PCDHA10: variants seen among roughly 807,000 people sequenced by gnomAD.
PCDHA10 encodes the protein protocadherin alpha 10.
A neutral mutation model predicts 61.2 loss-of-function variants in PCDHA10; 45 were observed. The observed-to-expected ratio is 0.74, with a 90% CI of 0.58 to 0.94. PCDHA10 has a LOEUF of 0.94. Among genes scored for constraint, PCDHA10 ranks in the 40% least tolerant of loss-of-function variants. PCDHA10 has a pLI of 0.00. For missense variants in PCDHA10, 1,278 were observed against 1,236.2 expected (o/e 1.03, Z -0.51); for synonymous variants, 602 against 548.8 (o/e 1.10, Z -1.35).
chr5:140,943,467 G>C lies in PCDHA10; in HGVS notation c.2389-35482G>C, dbSNP rs559827697. 2.0e-5 allele frequency among the ~76,000 whole-genome samples: 3 copies of C among 152,126 alleles called. No individual in the cohort carries two copies. The East Asian group carries it at 5.8e-4, about 29-fold the overall frequency. On this transcript the variant is annotated intron_variant, in intron 1 of 3. Coordinates refer to ENST00000307360, the MANE Select transcript of PCDHA10 (RefSeq NM_018901.4). ...AGAATTGATAAGGCTAAATGTGGGA[G>C]ATACAGTAAAATAATAAATAGATGC... is the stretch of plus-strand genomic sequence containing the variant.
At chr5:140,971,641 C>T (rs1554233513) in intron 1 of PCDHA10, among the ~76,000 whole-genome samples, 1 of 152,078 alleles carries the variant, frequency 6.6e-6, no homozygotes, top group African/African-American at 2.4e-5. Context: ...CATGTGCCTA[C>T]ATTAAAAGTA....
chr5:140,985,416 G>A (rs1554247041), intron 3 of PCDHA10, among the ~76,000 whole-genome samples: 1 of 152,142 alleles, frequency 6.6e-6, no homozygotes, highest in Non-Finnish European at 1.5e-5. Flanking sequence ...GAAATGGAGT[G>A]AGGAGGATTT....
At chr5:140,876,583 CT>C in intron 1 of PCDHA10, 1 of 1,614,194 alleles carries the variant, frequency 6.2e-7, no homozygotes, top group Non-Finnish European at 8.5e-7. Context: ...CGTCATTGCC[CT>C]GATTAGCGTG....
intron 3 of PCDHA10, among the ~76,000 whole-genome samples, chr5:140,984,330 A>C (rs2097097334): frequency 6.6e-6 from 1 of 152,204 alleles, no homozygotes; most frequent in Admixed American, 6.5e-5. Context: ...CAAATGTGGA[A>C]TAGGAACCAT....
At chr5:140,865,590 T>G (rs1353926761) in intron 1 of PCDHA10, 3 of 152,234 alleles carry the variant, frequency 2.0e-5, no homozygotes, top group Non-Finnish European at 4.4e-5. Flanking sequence ...AAATCACCAT[T>G]GTTTGAGCAG....
At position 140,858,173 on chromosome 5, in the gene PCDHA10, C is replaced by G. The variant is rs782491809; in HGVS notation, c.2125C>G (p.Leu709Val). The change falls in exon 1 of 4, where the codon CTG (leucine) becomes GTG (valine). Residue 709 changes from leucine (L) to valine (V), a missense_variant. Leu to Val is a conservative substitution (Grantham distance 32). Transcript: ENST00000307360. ...CGCCATCTGCGCGGTGTCCAGCTTG[C>G]TGGTGCTCACGCTGCTGCTGTACAC... The part of the protein sequence containing the change: ...IIAICAVSSL[L>V]VLTLLLYTAL... The G allele has an allele frequency of 6.3e-7, 1 of 1,597,720 alleles. No individual in the cohort carries two copies. Among genetic ancestry groups the G allele is most frequent in the Admixed American group, 1.7e-5 (1 of 59,358 alleles).
rs782144486 is a variant in PCDHA10, at chr5:140,875,746, C to A, written c.2388+17310C>A. ...TTTGTTTGTGAATTCTCGGATCGAC[C>A]GCGAGAAGCTGTGCGGGCGGAGCGC... is the stretch of plus-strand genomic sequence containing the variant. On this transcript the variant is annotated intron_variant, in intron 1 of 3. Coordinates refer to ENST00000307360, the MANE Select transcript of PCDHA10 (RefSeq NM_018901.4). 7.4e-6 allele frequency: 12 copies of A among 1,614,096 alleles called. No homozygotes were observed. In the East Asian group the frequency reaches 2.0e-4, roughly 27 times the overall value.
intron 1 of PCDHA10, among the ~76,000 whole-genome samples, chr5:140,934,524 G>A (rs181182103): frequency 4.4e-4 from 67 of 152,192 alleles, no homozygotes; most frequent in Admixed American, 3.1e-3. Context: ...ACCACACTTC[G>A]AGAGCTACCG....
chr5:140,969,538 G>A (rs916768919), intron 1 of PCDHA10: 11 of 1,304,024 alleles, frequency 8.4e-6, no homozygotes, highest in African/African-American at 1.5e-5. Flanking sequence ...TTCATTTTCA[G>A]AGGCATGAAG....
In PCDHA10 at chr5:140,858,243, C is replaced by T. The variant is rs781796341; in HGVS notation, c.2195C>T (p.Pro732Leu). The change falls in exon 1 of 4, where the codon CCG becomes CTG. Residue 732 changes from proline (P) to leucine (L), a missense_variant. Pro to Leu is a moderately conservative substitution (Grantham distance 98, BLOSUM62 -3). Transcript: ENST00000307360. ...GCGCCCACCGAGGGCGCATGTGGGC[C>T]GGTGAAGCCCACGCTGGTGTGCTCT... ...SAAPTEGACG[P>L]VKPTLVCSSA... The T allele has an allele frequency of 6.9e-6, 11 of 1,595,896 alleles. No homozygotes were observed. The highest frequency in any genetic ancestry group is 6.9e-6 in the Non-Finnish European group (8 of 1,165,828).
At chr5:140,966,740 C>G in intron 1 of PCDHA10, 1 of 1,422,696 alleles carries the variant, frequency 7.0e-7, no homozygotes, top group Non-Finnish European at 9.1e-7. Flanking sequence ...CGGCCCTGCC[C>G]GGCTGCCTCC....
intron 1 of PCDHA10, chr5:140,864,834 A>T (rs2048619369): frequency 6.6e-6 from 1 of 152,166 alleles, no homozygotes; most frequent in African/African-American, 2.4e-5. Context: ...TTTAAGTATA[A>T]GAGAGTCTTC....
At chr5:140,979,408 GT>G (rs558051720) in intron 2 of PCDHA10, among the ~76,000 whole-genome samples, 17 of 147,706 alleles carry the variant, frequency 1.2e-4, no homozygotes, top group East Asian at 4.0e-4. Flanking sequence ...TGTCTACCTT[GT>G]TTTTTTTTTA....
chr5:140,862,575 G>T (rs1272278191), intron 1 of PCDHA10: 3 of 486,640 alleles, frequency 6.2e-6, no homozygotes, highest in Non-Finnish European at 1.3e-5. Context: ...ATGCCCTGGC[G>T]TTCCAGCAGC....
At chr5:141,003,441 A>G (rs184470683) in intron 3 of PCDHA10, among the ~76,000 whole-genome samples, 25 of 152,240 alleles carry the variant, frequency 1.6e-4, no homozygotes, top group Non-Finnish European at 1.5e-5. Flanking sequence ...CCTCCCAAGT[A>G]GATGAAATTA....
intron 1 of PCDHA10, among the ~76,000 whole-genome samples, chr5:140,969,920 A>G (rs1554232150): frequency 6.6e-6 from 1 of 152,226 alleles, no homozygotes; most frequent in African/African-American, 2.4e-5. Flanking sequence ...ATAAAGCTGT[A>G]GTATTTAGAC....
chr5:141,000,615 A>G (rs2097951954), intron 3 of PCDHA10, among the ~76,000 whole-genome samples: 1 of 150,870 alleles, frequency 6.6e-6, no homozygotes, highest in South Asian at 2.1e-4. Context: ...TTTAGTAGAG[A>G]CAGGGTTTCA....
chr5:140,863,382 C>A, intron 1 of PCDHA10: 1 of 1,056,944 alleles, frequency 9.5e-7, no homozygotes. Context: ...TCACCGAGAG[C>A]TCGTGCATGC....
Position 140,913,960 on chromosome 5 carries a change from T to TA in PCDHA10, c.2388+55531dup, listed in dbSNP as rs201352444. 7.9e-3 allele frequency among the ~76,000 whole-genome samples: 1,207 copies of TA among 152,282 alleles called. 5 individuals are homozygous for TA. Among genetic ancestry groups the TA allele is most frequent in the African/African-American group, 0.019 (780 of 41,560 alleles). ...AAGAATCTTGATATGATATCATTTT[T>TA]AAAAAAATATTTTAGGACTTGTATT... On this transcript the variant is annotated intron_variant, in intron 1 of 3. Transcript: ENST00000307360.
Sources: allele counts gnomAD v4.1 joint callset (sites outside exome capture counted in the v4.1 genomes callset), GRCh38; gene constraint gnomAD v4.1.1; transcripts MANE v1.5; gene names NCBI Gene and HGNC (gene_info 2026-07-23, HGNC 2026-07-21).